Variants in ERC2 observed in about 807,000 individuals in gnomAD.
The protein encoded by ERC2 is ERC protein 2.
In ERC2, 42 loss-of-function variants were observed where a neutral mutation model predicts 114.8. The observed-to-expected ratio is 0.37, with a 90% CI of 0.29 to 0.47. ERC2 has a LOEUF of 0.47. ERC2 is among the 20% of genes least tolerant of loss of function. The pLI is 0.99. For missense variants in ERC2, 939 were observed against 1,150.7 expected (o/e 0.82, Z 2.66); for synonymous variants, 454 against 425.5 (o/e 1.07, Z -0.82).
intron 3 of ERC2, among the ~76,000 whole-genome samples, chr3:56,291,735 A>T (rs781062928): frequency 2.6e-5 from 4 of 152,032 alleles, no homozygotes; most frequent in Non-Finnish European, 5.9e-5. Context: ...ATTCATCTAT[A>T]TTAACAGAGG....
chr3:55,850,329 C>T (rs1401889515), intron 14 of ERC2, among the ~76,000 whole-genome samples: 1 of 152,204 alleles, frequency 6.6e-6, no homozygotes, highest in Non-Finnish European at 1.5e-5. Context: ...CTTTTAAAGG[C>T]TTTCATTCAA....
At chr3:55,551,587 A>G (rs1264352411) in intron 17 of ERC2, among the ~76,000 whole-genome samples, 2 of 152,172 alleles carry the variant, frequency 1.3e-5, no homozygotes, top group African/African-American at 4.8e-5. Flanking sequence ...GTTTAGAGGT[A>G]AATCCAAAAT....
intron 14 of ERC2, among the ~76,000 whole-genome samples, chr3:55,786,466 A>G (rs2069499207): frequency 6.6e-6 from 1 of 152,210 alleles, no homozygotes; most frequent in Non-Finnish European, 1.5e-5. Flanking sequence ...AGGTGTGTAC[A>G]TGAGGCTCCC....
At chr3:55,852,107 C>T (rs924702995) in intron 14 of ERC2, among the ~76,000 whole-genome samples, 1 of 152,238 alleles carries the variant, frequency 6.6e-6, no homozygotes, top group Admixed American at 6.5e-5. Context: ...CTAATCCCAG[C>T]TACTCAGGAG....
chr3:55,703,801 CTGTTTATT>C (rs1470792508), intron 15 of ERC2, among the ~76,000 whole-genome samples: 1 of 152,190 alleles, frequency 6.6e-6, no homozygotes, highest in Non-Finnish European at 1.5e-5. Flanking sequence ...TTAACTTTTC[CTGTTTATT>C]TGTTTTTGTT....
chr3:56,451,827 G>A (rs566814322), intron 1 of ERC2, among the ~76,000 whole-genome samples: 2 of 152,230 alleles, frequency 1.3e-5, no homozygotes, highest in East Asian at 3.9e-4. Context: ...TTTAAAAGGG[G>A]GTCACAGCCT....
At chr3:56,051,874 CACACAA>C (rs1177822735) in intron 7 of ERC2, among the ~76,000 whole-genome samples, 2 of 121,012 alleles carry the variant, frequency 1.7e-5, no homozygotes, top group South Asian at 2.7e-4. Flanking sequence ...CACACACACA[CACACAA>C]ATTTAACCTG....
At chr3:55,673,742 A>G (rs978951591) in intron 17 of ERC2, among the ~76,000 whole-genome samples, 3 of 151,518 alleles carry the variant, frequency 2.0e-5, no homozygotes, top group African/African-American at 4.9e-5. Flanking sequence ...AGTCCCACAC[A>G]CTGAATCCGT....
At chr3:56,314,155 C>T (rs1373614620) in intron 2 of ERC2, among the ~76,000 whole-genome samples, 2 of 152,202 alleles carry the variant, frequency 1.3e-5, no homozygotes, top group Non-Finnish European at 2.9e-5. Context: ...AGCCTGGTCA[C>T]TCACTAGTTA....
intron 3 of ERC2, among the ~76,000 whole-genome samples, chr3:56,276,459 TAAAAA>T (rs766683320): frequency 2.4e-5 from 2 of 82,916 alleles, no homozygotes; most frequent in Admixed American, 1.4e-4. Flanking sequence ...CAAACTCAGC[TAAAAA>T]AAAAAAAAAA....
rs147438327 is a variant in ERC2, at chr3:56,191,754, C to T, written c.1075-18234G>A. ...CTGCAGTCACACTCACCCACATACA[C>T]TCCCCCACCCCAGACACCAGGTTCA... On this transcript the variant is annotated intron_variant, in intron 3 of 17. Coordinates refer to ENST00000288221, the MANE Select transcript of ERC2 (RefSeq NM_015576.3). 2.6e-5 allele frequency among the ~76,000 whole-genome samples: 4 copies of T among 152,220 alleles called. No individual in the cohort carries two copies. In the East Asian group the frequency reaches 7.7e-4, roughly 29 times the overall value.
At chr3:56,233,459 A>T (rs1217914399) in intron 3 of ERC2, among the ~76,000 whole-genome samples, 1 of 152,010 alleles carries the variant, frequency 6.6e-6, no homozygotes, top group Non-Finnish European at 1.5e-5. Context: ...CATCTCTACT[A>T]AAAATACAAA....
intron 6 of ERC2, among the ~76,000 whole-genome samples, chr3:56,100,618 T>C (rs17825213): frequency 0.13 from 20,461 of 152,256 alleles, 1,484 homozygotes; most frequent in East Asian, 0.15. Context: ...CAAAATATCT[T>C]ACAAAATTTG....
At chr3:56,191,346 G>C (rs764877967) in intron 3 of ERC2, among the ~76,000 whole-genome samples, 1 of 152,152 alleles carries the variant, frequency 6.6e-6, no homozygotes, top group Non-Finnish European at 1.5e-5. Flanking sequence ...AACTGTCTGA[G>C]TCTCTGACCT....
At chr3:55,559,366 C>T (rs995852185) in intron 17 of ERC2, among the ~76,000 whole-genome samples, 1 of 152,246 alleles carries the variant, frequency 6.6e-6, no homozygotes, top group Non-Finnish European at 1.5e-5. Context: ...AAGGCCCATG[C>T]CCTCCTAGGG....
chr3:55,941,459 G>A (rs1016835549), intron 13 of ERC2, among the ~76,000 whole-genome samples: 1 of 152,130 alleles, frequency 6.6e-6, no homozygotes, highest in African/African-American at 2.4e-5. Context: ...CAGCTCCAGA[G>A]CAACTGATAG....
At chr3:55,942,301 T>TTTTGTTG (rs1559906638) in intron 13 of ERC2, among the ~76,000 whole-genome samples, 1 of 120,780 alleles carries the variant, frequency 8.3e-6, no homozygotes, top group Admixed American at 8.8e-5. Context: ...TTTTTTTTTT[T>TTTTGTTG]TTGTTGAGAC....
rs190540760 is a variant in ERC2, at chr3:56,252,035, G to A, written c.1074+43984C>T. On this transcript the variant is annotated intron_variant, in intron 3 of 17. Coordinates refer to ENST00000288221, the MANE Select transcript of ERC2 (RefSeq NM_015576.3). ...GCTGGTCAAGTTCCATGGCAGGTGT[G>A]TCTTTGTAACCCGAGGGCTGGGTGA... Among the ~76,000 whole-genome samples, 250 of 152,294 alleles carry A rather than the reference G, an allele frequency of 1.6e-3. 3 individuals are homozygous for A. Among genetic ancestry groups the A allele is most frequent in the Middle Eastern group, 6.8e-3 (2 of 294 alleles).
intron 13 of ERC2, among the ~76,000 whole-genome samples, chr3:55,890,264 G>A (rs1314388535): frequency 6.6e-6 from 1 of 152,074 alleles, no homozygotes; most frequent in Admixed American, 6.6e-5. Context: ...ATTTTTGATA[G>A]AAAATAGCAG....
Sources: gnomAD v4.1 joint callset for allele counts (sites outside exome capture counted in the v4.1 genomes callset) on GRCh38, gnomAD v4.1.1 for gene constraint, MANE v1.5 for transcripts, NCBI Gene and HGNC (gene_info 2026-07-23, HGNC 2026-07-21) for gene names.